C8orf34: variants seen among roughly 807,000 people sequenced by gnomAD.
C8orf34 encodes uncharacterized protein C8orf34.
A neutral mutation model predicts 68.3 loss-of-function variants in C8orf34; 65 were observed. The ratio of observed to expected loss-of-function variants is 0.95; its 90% CI spans 0.78 to 1.17. C8orf34 has a LOEUF of 1.17. Ranked by LOEUF, C8orf34 falls within the 50% of genes most tolerant of loss-of-function variation. The pLI is 0.00. For missense variants in C8orf34, 664 were observed against 655.4 expected (o/e 1.01, Z -0.14); for synonymous variants, 244 against 241.2 (o/e 1.01, Z -0.11).
intron 3 of C8orf34, chr8:68,446,783 A>G (rs1811143706): frequency 9.2e-6 from 3 of 327,316 alleles, no homozygotes; most frequent in Non-Finnish European, 1.1e-5. Context: ...GTAGCTACCT[A>G]TATTTAATGA....
At chr8:68,655,389 A>G (rs900730617) in intron 8 of C8orf34, among the ~76,000 whole-genome samples, 2 of 152,242 alleles carry the variant, frequency 1.3e-5, no homozygotes, top group African/African-American at 4.8e-5. Flanking sequence ...TGAATTAGAA[A>G]GCATTTAATA....
intron 5 of C8orf34, among the ~76,000 whole-genome samples, chr8:68,508,421 A>G (rs1027220592): frequency 1.3e-5 from 2 of 152,194 alleles, no homozygotes; most frequent in African/African-American, 4.8e-5. Flanking sequence ...TCAATGGCAT[A>G]TATTTTGGGC....
intron 5 of C8orf34, among the ~76,000 whole-genome samples, chr8:68,490,854 C>A (rs1267275684): frequency 1.6e-4 from 24 of 152,246 alleles, no homozygotes; most frequent in African/African-American, 4.8e-4. Flanking sequence ...CCATAGCACC[C>A]TCTGGTGACC....
intron 5 of C8orf34, among the ~76,000 whole-genome samples, chr8:68,516,905 G>C (rs1400653283): frequency 6.6e-6 from 1 of 152,054 alleles, no homozygotes; most frequent in East Asian, 1.9e-4. Flanking sequence ...CTTCCAAAGT[G>C]CTGGGATTAC....
At position 68,460,923 on chromosome 8, in the gene C8orf34, A is replaced by G. The variant is rs180857023; in HGVS notation, c.608-7769A>G. Among the ~76,000 whole-genome samples, 326 of 152,362 alleles carry G rather than the reference A, an allele frequency of 2.1e-3. 1 individual carries two copies. The highest frequency in any genetic ancestry group is 7.1e-3 in the African/African-American group (294 of 41,592). On this transcript the variant is annotated intron_variant, in intron 3 of 13. Coordinates refer to ENST00000518698, the MANE Select transcript of C8orf34 (RefSeq NM_052958.4). ...AAAGGAACGCAGTTCCTCACCAGCA[A>G]CGGAACAAAGCTGGACAGAGAATGA...
chr8:68,769,937 T>C (rs1823291543), intron 10 of C8orf34, among the ~76,000 whole-genome samples: 1 of 152,076 alleles, frequency 6.6e-6, no homozygotes, highest in Admixed American at 6.6e-5. Flanking sequence ...CATGAAGATT[T>C]GAGTGAGGGG....
At chr8:68,352,092 A>G (rs1806536217) in intron 1 of C8orf34, among the ~76,000 whole-genome samples, 3 of 151,970 alleles carry the variant, frequency 2.0e-5, no homozygotes, top group African/African-American at 7.3e-5. Context: ...TTTGAATAAC[A>G]TTCCTTTCTC....
intron 5 of C8orf34, among the ~76,000 whole-genome samples, chr8:68,490,235 T>A (rs934925476): frequency 1.3e-5 from 2 of 152,224 alleles, no homozygotes; most frequent in Non-Finnish European, 2.9e-5. Flanking sequence ...TCATTTGCTC[T>A]TTCTAATACA....
At chr8:68,588,956 A>G (rs1287751431) in intron 7 of C8orf34, among the ~76,000 whole-genome samples, 1 of 152,148 alleles carries the variant, frequency 6.6e-6, no homozygotes, top group Non-Finnish European at 1.5e-5. Context: ...CACAGACAGT[A>G]TGTAAATGAG....
chr8:68,678,607 C>T (rs1820265418), intron 8 of C8orf34, among the ~76,000 whole-genome samples: 1 of 151,836 alleles, frequency 6.6e-6, no homozygotes, highest in Non-Finnish European at 1.5e-5. Context: ...TAAACAAAAG[C>T]CATATTTGAC....
intron 3 of C8orf34, among the ~76,000 whole-genome samples, chr8:68,451,238 G>C (rs1439053714): frequency 2.0e-5 from 3 of 152,020 alleles, no homozygotes; most frequent in Non-Finnish European, 2.9e-5. Flanking sequence ...GGAATGTTGT[G>C]GCTGATTTGA....
At chr8:68,818,196 T>A (rs902781463) in intron 13 of C8orf34, 43 bp from the exon 14 acceptor site, 2 of 1,605,400 alleles carry the variant, frequency 1.2e-6, no homozygotes, top group African/African-American at 2.7e-5. Context: ...AATGTAAACA[T>A]GTTATTAAGC....
intron 3 of C8orf34, among the ~76,000 whole-genome samples, chr8:68,464,812 A>G (rs1812031698): frequency 1.3e-5 from 2 of 152,124 alleles, no homozygotes; most frequent in African/African-American, 4.8e-5. Flanking sequence ...AGATGGATTA[A>G]AGACTTAAAT....
chr8:68,462,255 T>C (rs1586187546), intron 3 of C8orf34, among the ~76,000 whole-genome samples: 2 of 152,060 alleles, frequency 1.3e-5, no homozygotes, highest in East Asian at 1.9e-4. Flanking sequence ...CCTAAATATA[T>C]ATGCACCCAA....
intron 8 of C8orf34, among the ~76,000 whole-genome samples, chr8:68,689,787 T>C (rs754379618): frequency 1.3e-5 from 2 of 152,024 alleles, no homozygotes; most frequent in Non-Finnish European, 2.9e-5. Context: ...TTCAGTTATC[T>C]CTAATCCTTA....
At chr8:68,760,397 A>G (rs1427576051) in intron 10 of C8orf34, among the ~76,000 whole-genome samples, 1 of 152,236 alleles carries the variant, frequency 6.6e-6, no homozygotes, top group East Asian at 1.9e-4. Context: ...GAGGCCACAC[A>G]TACCTAATAA....
chr8:68,512,796 A>AAC (rs1814332926), intron 5 of C8orf34, among the ~76,000 whole-genome samples: 1 of 151,738 alleles, frequency 6.6e-6, no homozygotes. Flanking sequence ...AAAAAAAAAA[A>AAC]AAACCACCAA....
intron 12 of C8orf34, among the ~76,000 whole-genome samples, chr8:68,808,205 C>A (rs1824541709): frequency 6.6e-6 from 1 of 152,160 alleles, no homozygotes; most frequent in Non-Finnish European, 1.5e-5. Context: ...AATATTTTAT[C>A]CAGCTATTCT....
At chr8:68,754,860 A>G (rs991257608) in intron 10 of C8orf34, among the ~76,000 whole-genome samples, 1 of 152,222 alleles carries the variant, frequency 6.6e-6, no homozygotes, top group Non-Finnish European at 1.5e-5. Flanking sequence ...TGTACTATAT[A>G]TATCTATTAA....
Sources: gnomAD v4.1 joint callset for allele counts (sites outside exome capture counted in the v4.1 genomes callset) on GRCh38, gnomAD v4.1.1 for gene constraint, MANE v1.5 for transcripts, NCBI Gene and HGNC (gene_info 2026-07-23, HGNC 2026-07-21) for gene names.